Variants in ADAMTS17 observed in about 807,000 individuals in gnomAD.
ADAMTS17 encodes A disintegrin and metalloproteinase with thrombospondin motifs 17.
In ADAMTS17, 113 loss-of-function variants were observed where a neutral mutation model predicts 141.5. That is an observed-to-expected ratio of 0.80 (90% CI 0.69 to 0.93). ADAMTS17 has a LOEUF of 0.93. Ranked by LOEUF, ADAMTS17 falls within the 40% of genes least tolerant of loss-of-function variation. The pLI is 0.00. For synonymous variants in ADAMTS17, 768 were observed against 630.6 expected (o/e 1.22, Z -3.27); for missense variants, 1,659 against 1,517.9 (o/e 1.09, Z -1.54).
intron 7 of ADAMTS17, among the ~76,000 whole-genome samples, chr15:100,225,244 CT>C (rs1355752588): frequency 6.6e-6 from 1 of 152,312 alleles, no homozygotes; most frequent in South Asian, 2.1e-4. Flanking sequence ...CTTTTTAATT[CT>C]TTTTTTAAGA....
At chr15:100,123,814 G>T (rs1380008960) in intron 12 of ADAMTS17, among the ~76,000 whole-genome samples, 4 of 152,228 alleles carry the variant, frequency 2.6e-5, no homozygotes, top group African/African-American at 4.8e-5. Context: ...AGCAGGAACA[G>T]GCGCCCTGCC....
chr15:100,001,551 G>T lies in ADAMTS17; in HGVS notation c.2592-3962C>A, dbSNP rs116772213. The stretch of plus-strand genomic sequence containing the variant: ...GATGATGTCGTGATGTGTCAGGGTA[G>T]GTCCCTCAGCGGTAACGAATGTAGC... On this transcript the variant is annotated intron_variant, in intron 18 of 21. Coordinates refer to ENST00000268070, the MANE Select transcript of ADAMTS17 (RefSeq NM_139057.4). 8.1e-3 allele frequency among the ~76,000 whole-genome samples: 1,227 copies of T among 152,258 alleles called. 18 individuals carry two copies. The highest frequency in any genetic ancestry group is 0.028 in the African/African-American group (1,165 of 41,540).
At chr15:100,307,537 T>C (rs2045265753) in intron 3 of ADAMTS17, among the ~76,000 whole-genome samples, 1 of 152,214 alleles carries the variant, frequency 6.6e-6, no homozygotes, top group Non-Finnish European at 1.5e-5. Flanking sequence ...CACGAGTCAA[T>C]AAATTCCCTT....
chr15:100,196,977 C>T (rs2041141920), intron 8 of ADAMTS17, among the ~76,000 whole-genome samples: 1 of 152,176 alleles, frequency 6.6e-6, no homozygotes, highest in African/African-American at 2.4e-5. Flanking sequence ...TTGTTTTTGT[C>T]GGTAATTGGA....
At chr15:100,329,625 G>A (rs1363471332) in intron 3 of ADAMTS17, among the ~76,000 whole-genome samples, 1 of 151,902 alleles carries the variant, frequency 6.6e-6, no homozygotes, top group African/African-American at 2.4e-5. Flanking sequence ...TTAGGTGCTA[G>A]TAATTGTACG....
At chr15:100,247,924 C>T (rs1001697587) in intron 7 of ADAMTS17, among the ~76,000 whole-genome samples, 7 of 152,292 alleles carry the variant, frequency 4.6e-5, no homozygotes, top group Middle Eastern at 3.4e-3. Flanking sequence ...TTCCTCACAC[C>T]GGAAGGGCAG....
chr15:100,182,994 TTTC>T lies in ADAMTS17; in HGVS notation c.1181+16321_1181+16323del, dbSNP rs141101946. On this transcript the variant is annotated intron_variant, in intron 8 of 21. Coordinates refer to ENST00000268070, the MANE Select transcript of ADAMTS17 (RefSeq NM_139057.4). Reference sequence around the variant, plus strand: ...CTTTGCTTCTGGGATTCTTTTTCTTTTTCTTTTTTTTTGAGACAGAGTCTCGCA... The same window carrying T: ...CTTTGCTTCTGGGATTCTTTTTCTTTTTTTTTTTTGAGACAGAGTCTCGCA... Among the ~76,000 whole-genome samples the T allele has an allele frequency of 9.4e-3, 1,426 of 152,244 alleles. 25 individuals carry two copies. The highest frequency in any genetic ancestry group is 0.033 in the African/African-American group (1,383 of 41,510).
intron 18 of ADAMTS17, among the ~76,000 whole-genome samples, chr15:100,027,633 C>A (rs2061541169): frequency 6.6e-6 from 1 of 152,238 alleles, no homozygotes; most frequent in Admixed American, 6.5e-5. Context: ...AGAGACTATA[C>A]AGCTTGTAAA....
At chr15:100,055,829 C>A (rs987068492) in intron 15 of ADAMTS17, among the ~76,000 whole-genome samples, 2 of 152,204 alleles carry the variant, frequency 1.3e-5, no homozygotes, top group African/African-American at 4.8e-5. Context: ...CCCATTTAAT[C>A]TTCTCAACAA....
chr15:100,012,784 C>T lies in ADAMTS17; in HGVS notation c.2592-15195G>A, dbSNP rs750432407. 1.0e-3 allele frequency among the ~76,000 whole-genome samples: 155 copies of T among 152,182 alleles called. 2 individuals carry two copies. The highest frequency in any genetic ancestry group is 1.7e-3 in the Non-Finnish European group (114 of 67,982). ...CAGTACCATGCTGTTTTGGTGACTA[C>T]GGCCTTATAGTATAGTTTGAAATCA... On this transcript the variant is annotated intron_variant, in intron 18 of 21. Coordinates refer to ENST00000268070, the MANE Select transcript of ADAMTS17 (RefSeq NM_139057.4).
chr15:100,077,403 A>C (rs2034454905), intron 15 of ADAMTS17, among the ~76,000 whole-genome samples: 1 of 150,782 alleles, frequency 6.6e-6, no homozygotes, highest in Admixed American at 6.6e-5. Context: ...CAAGGGTTGC[A>C]GTGATCCGAG....
Position 100,323,016 on chromosome 15 carries a change from G to A in ADAMTS17, c.616+7873C>T, listed in dbSNP as rs1036398820. ...GCAGGAGAATGGCATGGACCCGGGA[G>A]GCGGAGCTTGCAGTGAGCTGAGATT... On this transcript the variant is annotated intron_variant, in intron 3 of 21. Transcript: ENST00000268070. Among the ~76,000 whole-genome samples, 4 of 150,226 alleles carry A rather than the reference G, an allele frequency of 2.7e-5. No individual in the cohort carries two copies. In the East Asian group the frequency reaches 7.8e-4, roughly 29 times the overall value.
At chr15:100,231,446 AG>A (rs1382929241) in intron 7 of ADAMTS17, among the ~76,000 whole-genome samples, 3 of 152,212 alleles carry the variant, frequency 2.0e-5, no homozygotes, top group Non-Finnish European at 2.9e-5. Flanking sequence ...GCCTTCCCAC[AG>A]GAACATCAGC....
Position 100,257,419 on chromosome 15 carries a change from G to A in ADAMTS17, c.1032-3240C>T, listed in dbSNP as rs376382223. ...TAACATCTGCGAGGACCCAGAAGACGGGACGTGCACTGATCTGTTCAGTCC... is the reference window on the plus strand; with the variant it reads ...TAACATCTGCGAGGACCCAGAAGACAGGACGTGCACTGATCTGTTCAGTCC... On this transcript the variant is annotated intron_variant, in intron 6 of 21. Coordinates refer to ENST00000268070, the MANE Select transcript of ADAMTS17 (RefSeq NM_139057.4). Among the ~76,000 whole-genome samples the A allele has an allele frequency of 8.5e-5, 13 of 152,348 alleles. No individual in the cohort carries two copies. In the East Asian group the frequency reaches 1.5e-3, roughly 18 times the overall value.
intron 18 of ADAMTS17, among the ~76,000 whole-genome samples, chr15:100,029,523 G>A (rs902670014): frequency 6.6e-6 from 1 of 152,146 alleles, no homozygotes; most frequent in Non-Finnish European, 1.5e-5. Flanking sequence ...TCCATCCCCA[G>A]CTCCAGTCAC....
At chr15:100,044,207 C>T (rs1389801278) in intron 18 of ADAMTS17, among the ~76,000 whole-genome samples, 2 of 152,148 alleles carry the variant, frequency 1.3e-5, no homozygotes, top group African/African-American at 4.8e-5. Context: ...CTGTCTTTCA[C>T]AAACCTGGGA....
chr15:100,168,694 T>C (rs2040044339), intron 8 of ADAMTS17: 1 of 152,396 alleles, frequency 6.6e-6, no homozygotes, highest in Middle Eastern at 3.4e-3. Context: ...CAGTATCTGT[T>C]TCTTGCGGAG....
At chr15:100,295,901 A>G (rs1350685771) in intron 3 of ADAMTS17, among the ~76,000 whole-genome samples, 1 of 152,178 alleles carries the variant, frequency 6.6e-6, no homozygotes, top group Non-Finnish European at 1.5e-5. Flanking sequence ...CACCATAGAA[A>G]TATCAGGATA....
chr15:100,114,634 C>T (rs1267282065), intron 13 of ADAMTS17, among the ~76,000 whole-genome samples: 1 of 152,220 alleles, frequency 6.6e-6, no homozygotes, highest in East Asian at 1.9e-4. Flanking sequence ...CTGTCCTCAT[C>T]AAACAGGGCT....
Sources: allele counts gnomAD v4.1 joint callset (sites outside exome capture counted in the v4.1 genomes callset), GRCh38; gene constraint gnomAD v4.1.1; transcripts MANE v1.5; gene names NCBI Gene and HGNC (gene_info 2026-07-23, HGNC 2026-07-21).